MGST1: variants seen among roughly 807,000 people sequenced by gnomAD.
MGST1 encodes glutathione S-transferase 12.
A neutral mutation model predicts 8.9 loss-of-function variants in MGST1; 5 were observed. The ratio of observed to expected loss-of-function variants is 0.56; its 90% confidence interval spans 0.29 to 1.19. The LOEUF (loss-of-function observed/expected upper bound fraction) is 1.19. Ranked by LOEUF, MGST1 falls within the 50% of genes most tolerant of loss-of-function variation. The pLI, the probability that MGST1 is intolerant of heterozygous loss-of-function variation, is 0.08. For missense variants in MGST1, 182 were observed against 187.4 expected (o/e 0.97, Z 0.17); for synonymous variants, 54 against 67.8 (o/e 0.80, Z 1.00).
intron 1 of MGST1, chr12:16,399,935 G>T (rs1940640093): frequency 2.3e-6 from 3 of 1,299,728 alleles, no homozygotes; most frequent in Non-Finnish European, 3.4e-6. Flanking sequence ...ACCACAAAAG[G>T]TGGCCATTCC....
chr12:16,356,709 C>G (rs1939729329), intron 2 of MGST1, among the ~76,000 whole-genome samples: 2 of 152,296 alleles, frequency 1.3e-5, no homozygotes, highest in Admixed American at 6.5e-5. Flanking sequence ...TGAATGTGTA[C>G]TTCTTATTCC....
intron 4 of MGST1, among the ~76,000 whole-genome samples, chr12:16,462,555 C>A (rs2417574): frequency 0.91 from 137,030 of 151,332 alleles, 63,205 homozygotes; most frequent in Non-Finnish European, 0.99. Flanking sequence ...TTTACCCCCC[C>A]AAAAAAAACT....
At chr12:16,592,621 T>C (rs1053999792), downstream of MGST1, among the ~76,000 whole-genome samples, 8 of 151,988 alleles carry the variant, frequency 5.3e-5, no homozygotes, top group Admixed American at 3.9e-4. Context: ...TCCACTCATG[T>C]TACCAACTTT....
chr12:16,578,154 C>T (rs1287472158), intron 4 of MGST1, among the ~76,000 whole-genome samples: 2 of 152,132 alleles, frequency 1.3e-5, no homozygotes, highest in African/African-American at 2.4e-5. Flanking sequence ...TTTCTTTAAA[C>T]TCATAGTTTC....
At chr12:16,531,360 C>A (rs184303050) in intron 4 of MGST1, among the ~76,000 whole-genome samples, 1 of 152,036 alleles carries the variant, frequency 6.6e-6, no homozygotes, top group African/African-American at 2.4e-5. Flanking sequence ...TGCTTTCTTT[C>A]ATCTTTTTGT....
rs889415797 is a variant in MGST1, at chr12:16,519,044, T to C, written n.483-70484T>C. 4.6e-5 allele frequency among the ~76,000 whole-genome samples: 7 copies of C among 152,298 alleles called. No homozygotes were observed. In the South Asian group the frequency reaches 1.5e-3, roughly 32 times the overall value. On this transcript the variant is annotated intron_variant and non_coding_transcript_variant, in intron 4 of 4. Transcript: ENST00000538857. Reference sequence around the variant, plus strand: ...CGTGTTTCAGGAATTGAGAAGACAGTGTGCCATAGTGGAAAGAGCTCAGGC... The same window carrying C: ...CGTGTTTCAGGAATTGAGAAGACAGCGTGCCATAGTGGAAAGAGCTCAGGC...
chr12:16,558,314 T>G (rs1229652904), intron 4 of MGST1, among the ~76,000 whole-genome samples: 1 of 152,088 alleles, frequency 6.6e-6, no homozygotes, highest in Non-Finnish European at 1.5e-5. Context: ...ATTTTCTATT[T>G]TCTAAATTTC....
intron 4 of MGST1, among the ~76,000 whole-genome samples, chr12:16,515,789 T>A (rs190891915): frequency 6.6e-6 from 1 of 152,210 alleles, no homozygotes; most frequent in African/African-American, 2.4e-5. Flanking sequence ...GTTGGGATGT[T>A]GTCTCTGACC....
chr12:16,438,906 G>A (rs1412138430), downstream of MGST1: 2 of 151,828 alleles, frequency 1.3e-5, no homozygotes, highest in African/African-American at 2.4e-5. Context: ...GAGCAAAGGG[G>A]GTGAAAGGTG....
downstream of MGST1, among the ~76,000 whole-genome samples, chr12:16,592,892 T>A (rs1485130838): frequency 6.6e-6 from 1 of 151,798 alleles, no homozygotes; most frequent in Admixed American, 6.6e-5. Context: ...AATAAACATC[T>A]CTGTTAGAAC....
At chr12:16,453,162 CTT>C (rs1331669423) in intron 4 of MGST1, among the ~76,000 whole-genome samples, 3 of 151,872 alleles carry the variant, frequency 2.0e-5, no homozygotes, top group African/African-American at 7.2e-5. Context: ...AAAACTTTGA[CTT>C]TTCCTATGAG....
intron 3 of MGST1, chr12:16,376,023 CAG>C: frequency 1.2e-6 from 1 of 812,016 alleles, no homozygotes; most frequent in Non-Finnish European, 1.7e-6. Flanking sequence ...TGTACACACA[CAG>C]ATTTTATACA....
At chr12:16,449,822 C>G (rs1047131689) in intron 4 of MGST1, among the ~76,000 whole-genome samples, 1 of 151,894 alleles carries the variant, frequency 6.6e-6, no homozygotes, top group Non-Finnish European at 1.5e-5. Context: ...CATTCACCTT[C>G]GTTCTTCATT....
chr12:16,459,004 C>G (rs1191322879), intron 4 of MGST1, among the ~76,000 whole-genome samples: 1 of 152,012 alleles, frequency 6.6e-6, no homozygotes, highest in East Asian at 1.9e-4. Context: ...GTTAGCAACC[C>G]TGGCCTACCT....
chr12:16,359,143 A>G (rs537634509), intron 3 of MGST1, among the ~76,000 whole-genome samples: 2 of 152,284 alleles, frequency 1.3e-5, no homozygotes, highest in South Asian at 2.1e-4. Flanking sequence ...CTGTGGCAGC[A>G]CAAACATTTT....
At chr12:16,565,983 C>CATATATATATATATATAT (rs61358392) in intron 4 of MGST1, among the ~76,000 whole-genome samples, 2 of 43,852 alleles carry the variant, frequency 4.6e-5, no homozygotes, top group Non-Finnish European at 8.7e-5. Context: ...GAAAATGTGC[C>CATATATATATATATATAT]ATATATATAT....
At chr12:16,354,693 G>A (rs2136938822) in intron 2 of MGST1, 1 of 179,406 alleles carries the variant, frequency 5.6e-6, no homozygotes, top group Admixed American at 6.3e-5. Context: ...TTGCCAATGA[G>A]GGTTTAGAAA....
chr12:16,495,475 A>G (rs1941463810), intron 4 of MGST1, among the ~76,000 whole-genome samples: 2 of 152,152 alleles, frequency 1.3e-5, no homozygotes, highest in Non-Finnish European at 2.9e-5. Context: ...AACATTGAAG[A>G]AAAGAATAAA....
intron 4 of MGST1, among the ~76,000 whole-genome samples, chr12:16,554,957 C>T (rs558251223): frequency 1.6e-4 from 25 of 152,320 alleles, no homozygotes; most frequent in Non-Finnish European, 3.4e-4. Context: ...CCACCGCGCC[C>T]GGCCAGGTTT....
Sources: allele counts gnomAD v4.1 joint callset (sites outside exome capture counted in the v4.1 genomes callset), GRCh38; gene constraint gnomAD v4.1.1; transcripts MANE v1.5; gene names NCBI Gene and HGNC (gene_info 2026-07-23, HGNC 2026-07-21).